The following ZNF804B variants were observed in gnomAD, a reference collection of about 807,000 sequenced individuals.
The protein encoded by ZNF804B is zinc finger protein 804B, also known as zinc finger 804B.
ZNF804B carries 80 observed loss-of-function variants against 101.4 expected under a neutral mutation model. The observed-to-expected ratio is 0.79, with a 90% CI of 0.66 to 0.95. ZNF804B has a LOEUF of 0.95. Among genes scored for constraint, ZNF804B ranks in the 40% least tolerant of loss-of-function variants. ZNF804B has a pLI of 0.00. For synonymous variants in ZNF804B, 622 were observed against 558.8 expected (o/e 1.11, Z -1.59); for missense variants, 1,673 against 1,561.9 (o/e 1.07, Z -1.20).
At chr7:88,889,951 A>T (rs761124511) in intron 1 of ZNF804B, among the ~76,000 whole-genome samples, 1 of 152,086 alleles carries the variant, frequency 6.6e-6, no homozygotes, top group Non-Finnish European at 1.5e-5. Context: ...TAATTTTTGT[A>T]TATTGTGAGA....
intron 2 of ZNF804B, among the ~76,000 whole-genome samples, chr7:89,221,886 T>C (rs1789010249): frequency 6.6e-6 from 1 of 151,954 alleles, no homozygotes; most frequent in Non-Finnish European, 1.5e-5. Flanking sequence ...CTGTGTCCAT[T>C]GTGAAAAAGC....
chr7:89,228,310 C>G (rs974897784), intron 2 of ZNF804B, among the ~76,000 whole-genome samples: 7 of 152,232 alleles, frequency 4.6e-5, no homozygotes, highest in Middle Eastern at 3.4e-3. Flanking sequence ...GGGACCCCAG[C>G]AGGTTGCCAC....
intron 1 of ZNF804B, among the ~76,000 whole-genome samples, chr7:88,826,405 G>A (rs1027124376): frequency 2.0e-5 from 3 of 152,062 alleles, no homozygotes; most frequent in African/African-American, 7.2e-5. Context: ...AATCTCTAAA[G>A]TGCCTTCCGG....
chr7:88,821,843 T>A (rs1790986561), intron 1 of ZNF804B, among the ~76,000 whole-genome samples: 1 of 152,146 alleles, frequency 6.6e-6, no homozygotes, highest in Admixed American at 6.5e-5. Context: ...CTAGTACTGA[T>A]TTTAGTTCAT....
intron 1 of ZNF804B, among the ~76,000 whole-genome samples, chr7:88,925,506 T>C (rs1383073871): frequency 6.6e-6 from 1 of 152,172 alleles, no homozygotes; most frequent in Non-Finnish European, 1.5e-5. Context: ...TAAAGATGCA[T>C]GTGTGCGGTG....
At chr7:89,240,404 T>A (rs905814755) in intron 2 of ZNF804B, among the ~76,000 whole-genome samples, 7 of 113,624 alleles carry the variant, frequency 6.2e-5, no homozygotes, top group East Asian at 5.1e-4. Context: ...GAGGTGAAAG[T>A]TTTTTTTTCT....
chr7:88,956,086 A>G (rs1793301325), intron 1 of ZNF804B, among the ~76,000 whole-genome samples: 1 of 151,642 alleles, frequency 6.6e-6, no homozygotes, highest in African/African-American at 2.4e-5. Context: ...AAAAAATAAC[A>G]AATGCTGGTG....
At chr7:88,935,798 T>C (rs1455701238) in intron 1 of ZNF804B, among the ~76,000 whole-genome samples, 1 of 151,954 alleles carries the variant, frequency 6.6e-6, no homozygotes, top group Non-Finnish European at 1.5e-5. Context: ...TTTTTTATCC[T>C]ATTTGGAAGT....
chr7:88,849,578 C>T (rs1791421111), intron 1 of ZNF804B, among the ~76,000 whole-genome samples: 1 of 151,726 alleles, frequency 6.6e-6, no homozygotes, highest in Admixed American at 6.6e-5. Context: ...TGGCTCACTG[C>T]AACCTCCACC....
rs565620993 is a variant in ZNF804B, at chr7:89,265,167, T to C, written c.249+46872T>C. ...AGAGTGAGAGGAAAGACTTCCACAA[T>C]TGATGATAGATGAAATGGCAAGGGT... On this transcript the variant is annotated intron_variant, in intron 2 of 3. Coordinates refer to ENST00000333190, the MANE Select transcript of ZNF804B (RefSeq NM_181646.5). Among the ~76,000 whole-genome samples, 200 of 152,230 alleles carry C rather than the reference T, an allele frequency of 1.3e-3. 2 individuals carry two copies. Among genetic ancestry groups the C allele is most frequent in the Non-Finnish European group, 4.1e-4 (28 of 67,996 alleles).
intron 2 of ZNF804B, among the ~76,000 whole-genome samples, chr7:89,224,712 ATGTGTGTGTGTGTGTG>A (rs56064065): frequency 4.9e-5 from 7 of 144,076 alleles, no homozygotes; most frequent in Non-Finnish European, 7.6e-5. Flanking sequence ...CTGGCAAAGT[ATGTGTGTGTGTGTGTG>A]TGTGTGTGTG....
intron 1 of ZNF804B, among the ~76,000 whole-genome samples, chr7:88,770,266 A>G (rs1415744015): frequency 1.3e-5 from 2 of 152,174 alleles, no homozygotes. Flanking sequence ...AAAGAGGATG[A>G]GATGATTATC....
intron 1 of ZNF804B, among the ~76,000 whole-genome samples, chr7:89,089,517 A>G (rs1490150048): frequency 6.6e-6 from 1 of 152,046 alleles, no homozygotes; most frequent in Non-Finnish European, 1.5e-5. Context: ...ATTTAACTCA[A>G]CCACTTTAAA....
At chr7:89,271,496 G>T (rs189884678) in intron 2 of ZNF804B, among the ~76,000 whole-genome samples, 1 of 152,044 alleles carries the variant, frequency 6.6e-6, no homozygotes, top group East Asian at 1.9e-4. Context: ...TTTTTGCATC[G>T]ATGTTCATCA....
At position 88,808,741 on chromosome 7, in the gene ZNF804B, A is replaced by G. The variant is rs181488252; in HGVS notation, c.108+48657A>G. Among the ~76,000 whole-genome samples the G allele has an allele frequency of 9.2e-5, 14 of 152,352 alleles. No homozygotes were observed. The East Asian group carries it at 2.7e-3, about 29-fold the overall frequency. ...AAGGAATGGAGCAATGACTCAACAT[A>G]TCAGATTTAGTTAAGTGGTACTGAT... is the stretch of plus-strand genomic sequence containing the variant. On this transcript the variant is annotated intron_variant, in intron 1 of 3. Transcript: ENST00000333190.
chr7:89,235,947 G>A lies in ZNF804B; in HGVS notation c.249+17652G>A, dbSNP rs143101988. 3.8e-3 allele frequency among the ~76,000 whole-genome samples: 574 copies of A among 152,150 alleles called. 3 individuals carry two copies. The highest frequency in any genetic ancestry group is 0.013 in the African/African-American group (551 of 41,536). On this transcript the variant is annotated intron_variant, in intron 2 of 3. Coordinates refer to ENST00000333190, the MANE Select transcript of ZNF804B (RefSeq NM_181646.5). ...AAAAAGAAAATTTTAAACAAATTTT[G>A]TATCAAAACCACATTCTTTATGTAT...
intron 1 of ZNF804B, among the ~76,000 whole-genome samples, chr7:88,766,013 T>C (rs1252139655): frequency 6.6e-6 from 1 of 152,064 alleles, no homozygotes; most frequent in Non-Finnish European, 1.5e-5. Flanking sequence ...CAAAAGAGTA[T>C]TATGGTGTTT....
At chr7:89,170,212 C>G (rs762828256) in intron 1 of ZNF804B, among the ~76,000 whole-genome samples, 1 of 152,098 alleles carries the variant, frequency 6.6e-6, no homozygotes, top group Non-Finnish European at 1.5e-5. Context: ...GACCAGAAAT[C>G]CAAAATTTTA....
At chr7:88,885,915 AT>A (rs1392183656) in intron 1 of ZNF804B, among the ~76,000 whole-genome samples, 77 of 149,892 alleles carry the variant, frequency 5.1e-4, no homozygotes, top group Non-Finnish European at 7.2e-4. Context: ...TCTTTATCAA[AT>A]TTTCAAGTCA....
Sources: allele counts gnomAD v4.1 joint callset (sites outside exome capture counted in the v4.1 genomes callset), GRCh38; gene constraint gnomAD v4.1.1; transcripts MANE v1.5; gene names NCBI Gene and HGNC (gene_info 2026-07-23, HGNC 2026-07-21).